FRMD4A: variants seen among roughly 807,000 people sequenced by gnomAD.
FRMD4A encodes FERM domain containing 4A.
A neutral mutation model predicts 129.1 loss-of-function variants in FRMD4A; 29 were observed. That is an observed-to-expected ratio of 0.22 (90% CI 0.17 to 0.31). The LOEUF (loss-of-function observed/expected upper bound fraction) is 0.31, where lower values mean the gene tolerates loss of function less well. Among genes scored for constraint, FRMD4A ranks in the 10% least tolerant of loss-of-function variants. The pLI, the probability that FRMD4A is intolerant of heterozygous loss-of-function variation, is 1.00. For synonymous variants in FRMD4A, 634 were observed against 571.6 expected, an observed-to-expected ratio of 1.11 and a Z score of -1.56; for missense variants, 1,272 against 1,375.8, an observed-to-expected ratio of 0.92 and a Z score of 1.19.
intron 2 of FRMD4A, among the ~76,000 whole-genome samples, chr10:14,187,272 T>C (rs564656198): frequency 1.3e-5 from 2 of 152,308 alleles, no homozygotes; most frequent in East Asian, 1.9e-4. Context: ...CTCCATGATA[T>C]CAGATCATAG....
intron 3 of FRMD4A, among the ~76,000 whole-genome samples, chr10:13,822,481 T>C (rs2093644241): frequency 6.6e-6 from 1 of 152,128 alleles, no homozygotes; most frequent in African/African-American, 2.4e-5. Flanking sequence ...CCCAATACAG[T>C]CCCTGACACA....
At chr10:14,061,377 G>A (rs570766182) in intron 2 of FRMD4A, among the ~76,000 whole-genome samples, 17 of 152,108 alleles carry the variant, frequency 1.1e-4, no homozygotes, top group Admixed American at 2.0e-4. Context: ...ACTTGAACCC[G>A]GAGGCGGAGG....
At chr10:14,118,210 C>A (rs1169277273) in intron 2 of FRMD4A, among the ~76,000 whole-genome samples, 2 of 152,196 alleles carry the variant, frequency 1.3e-5, no homozygotes, top group Admixed American at 1.3e-4. Flanking sequence ...TTTTAACAAG[C>A]ACCTTGGAGA....
chr10:13,716,294 A>T (rs969289466), intron 12 of FRMD4A, among the ~76,000 whole-genome samples: 4 of 152,182 alleles, frequency 2.6e-5, no homozygotes, highest in African/African-American at 9.7e-5. Context: ...ATCTCAAAAC[A>T]TTCACCCTGC....
intron 2 of FRMD4A, among the ~76,000 whole-genome samples, chr10:14,092,336 A>C (rs996838371): frequency 2.6e-5 from 4 of 152,302 alleles, no homozygotes; most frequent in Admixed American, 6.5e-5. Context: ...TTCACTCCAA[A>C]TTGAGCTGCA....
chr10:13,914,748 T>C (rs1222764555), intron 2 of FRMD4A, among the ~76,000 whole-genome samples: 1 of 148,786 alleles, frequency 6.7e-6, no homozygotes, highest in Non-Finnish European at 1.5e-5. Flanking sequence ...GACAGCAACC[T>C]GAATAGGAGG....
chr10:13,802,629 A>AT (rs2093278479), intron 4 of FRMD4A, among the ~76,000 whole-genome samples: 1 of 151,744 alleles, frequency 6.6e-6, no homozygotes, highest in Non-Finnish European at 1.5e-5. Context: ...TTAAAAAAAA[A>AT]GGTTTTTTTT....
chr10:14,028,368 TGGG>T (rs1476802385), intron 2 of FRMD4A, among the ~76,000 whole-genome samples: 2 of 152,246 alleles, frequency 1.3e-5, no homozygotes, highest in East Asian at 1.9e-4. Context: ...TATTTTTTCT[TGGG>T]AAATATGAAT....
At chr10:14,239,403 G>A (rs988345510) in intron 2 of FRMD4A, among the ~76,000 whole-genome samples, 26 of 152,098 alleles carry the variant, frequency 1.7e-4, no homozygotes, top group African/African-American at 1.2e-4. Context: ...CGAGGCGGGC[G>A]GATCAGGAGG....
intron 2 of FRMD4A, among the ~76,000 whole-genome samples, chr10:14,096,286 A>T (rs935756274): frequency 2.6e-5 from 4 of 152,196 alleles, no homozygotes; most frequent in African/African-American, 9.7e-5. Flanking sequence ...ACCAGACACC[A>T]GATCTGCTGT....
chr10:14,185,667 G>A (rs900132106), intron 2 of FRMD4A, among the ~76,000 whole-genome samples: 10 of 152,212 alleles, frequency 6.6e-5, no homozygotes, highest in South Asian at 2.1e-4. Flanking sequence ...TAGCTGTGCA[G>A]ATGAGCAGAA....
intron 2 of FRMD4A, among the ~76,000 whole-genome samples, chr10:14,220,807 TGTGTTTGTGTG>T (rs1564396361): frequency 7.6e-4 from 79 of 104,588 alleles, no homozygotes; most frequent in African/African-American, 2.4e-3. Context: ...TGTGTGTGTG[TGTGTTTGTGTG>T]TGTGTGTGTG....
chr10:13,972,432 G>C (rs2095523908), intron 2 of FRMD4A: 1 of 407,264 alleles, frequency 2.5e-6, no homozygotes, highest in Admixed American at 6.4e-5. Context: ...CCCAAGTTTA[G>C]GTTGGGATTG....
chr10:13,680,724 T>A (rs933225815), intron 15 of FRMD4A, among the ~76,000 whole-genome samples: 8 of 148,506 alleles, frequency 5.4e-5, no homozygotes, highest in African/African-American at 2.0e-4. Flanking sequence ...AGACTCCATT[T>A]AAAAAAAAAA....
intron 4 of FRMD4A, among the ~76,000 whole-genome samples, chr10:13,800,327 ACTGC>A (rs1471380920): frequency 2.6e-5 from 4 of 152,244 alleles, no homozygotes; most frequent in Non-Finnish European, 5.9e-5. Context: ...GATTTGAATG[ACTGC>A]CTGCAAGAGC....
intron 2 of FRMD4A, among the ~76,000 whole-genome samples, chr10:14,324,143 G>C (rs1843170914): frequency 6.6e-6 from 1 of 152,116 alleles, no homozygotes; most frequent in Non-Finnish European, 1.5e-5. Context: ...ACAGAAACAG[G>C]TCCAGCAGAA....
intron 2 of FRMD4A, among the ~76,000 whole-genome samples, chr10:13,994,343 C>T (rs1245231880): frequency 6.6e-6 from 1 of 152,010 alleles, no homozygotes; most frequent in African/African-American, 2.4e-5. Flanking sequence ...CCACACTCAG[C>T]TAATTTTTGT....
chr10:13,772,278 T>C (rs752904372), intron 6 of FRMD4A, among the ~76,000 whole-genome samples: 4 of 150,856 alleles, frequency 2.7e-5, no homozygotes, highest in Non-Finnish European at 4.4e-5. Context: ...GGCAAACTTA[T>C]ACAGGTGAAA....
intron 14 of FRMD4A, among the ~76,000 whole-genome samples, chr10:13,699,787 C>T (rs1041967044): frequency 2.0e-5 from 3 of 152,200 alleles, no homozygotes; most frequent in African/African-American, 7.2e-5. Flanking sequence ...AAAACCCTGA[C>T]ACCCACCCAC....
Sources: gnomAD v4.1 joint callset for allele counts (sites outside exome capture counted in the v4.1 genomes callset) on GRCh38, gnomAD v4.1.1 for gene constraint, MANE v1.5 for transcripts, NCBI Gene and HGNC (gene_info 2026-07-23, HGNC 2026-07-21) for gene names.